RFX7: variants seen among roughly 807,000 people sequenced by gnomAD.
The protein encoded by RFX7 is regulatory factor X7.
Under a neutral mutation model 111.8 loss-of-function variants are expected in RFX7, and 26 were observed. The ratio of observed to expected loss-of-function variants is 0.23; its 90% CI spans 0.17 to 0.32. The LOEUF is 0.32. RFX7 is among the 10% of genes least tolerant of loss of function. The probability of loss-of-function intolerance (pLI) is 1.00; values close to 1 mark genes in which losing one functional copy is unlikely to be tolerated. For missense variants in RFX7, 1,573 were observed against 1,772.9 expected, an observed-to-expected ratio of 0.89 and a Z score of 2.02; for synonymous variants, 624 against 624.4, an observed-to-expected ratio of 1.00 and a Z score of 0.01.
At chr15:56,230,747 A>C (rs1257865691) in intron 2 of RFX7, among the ~76,000 whole-genome samples, 1 of 152,250 alleles carries the variant, frequency 6.6e-6, no homozygotes, top group Non-Finnish European at 1.5e-5. Context: ...TGTGTACTAC[A>C]GTAGCTAACG....
chr15:56,131,385 G>C (rs1329408540), intron 5 of RFX7, among the ~76,000 whole-genome samples: 3 of 138,026 alleles, frequency 2.2e-5, no homozygotes, highest in Non-Finnish European at 3.0e-5. Context: ...CTCCAACTCA[G>C]ACTCTCGTAT....
chr15:56,240,617 G>A (rs1019296068), intron 2 of RFX7, among the ~76,000 whole-genome samples: 2 of 152,092 alleles, frequency 1.3e-5, no homozygotes, highest in Non-Finnish European at 2.9e-5. Flanking sequence ...TGATATGCAA[G>A]CCCAGTAATT....
intron 2 of RFX7, among the ~76,000 whole-genome samples, chr15:56,234,160 A>G (rs2043598024): frequency 6.6e-6 from 1 of 152,226 alleles, no homozygotes. Context: ...CTAATTCTGT[A>G]TTTGTTTATA....
chr15:56,169,828 G>C (rs1243970238), intron 3 of RFX7, among the ~76,000 whole-genome samples: 1 of 150,478 alleles, frequency 6.6e-6, no homozygotes, highest in Non-Finnish European at 1.5e-5. Flanking sequence ...GAGTGGGGTG[G>C]ATTGGTTATC....
intron 6 of RFX7, among the ~76,000 whole-genome samples, chr15:56,103,126 A>G (rs2041780081): frequency 6.9e-6 from 1 of 145,624 alleles, no homozygotes; most frequent in Non-Finnish European, 1.5e-5. Flanking sequence ...AAAGTTCCAT[A>G]AGATTTTTTT....
At chr15:56,229,466 C>T (rs1198928404) in intron 2 of RFX7, among the ~76,000 whole-genome samples, 3 of 152,060 alleles carry the variant, frequency 2.0e-5, no homozygotes, top group Non-Finnish European at 2.9e-5. Flanking sequence ...GGGGTTTCAC[C>T]GTGTTAGCCA....
chr15:56,234,552 A>G (rs2043601968), intron 2 of RFX7, among the ~76,000 whole-genome samples: 1 of 152,220 alleles, frequency 6.6e-6, no homozygotes, highest in South Asian at 2.1e-4. Context: ...AATGACTGCA[A>G]TCAAATTACG....
intron 3 of RFX7, among the ~76,000 whole-genome samples, chr15:56,168,274 TA>T (rs2042805696): frequency 6.6e-6 from 1 of 152,182 alleles, no homozygotes; most frequent in Non-Finnish European, 1.5e-5. Flanking sequence ...TAATAAATAC[TA>T]ACAATAACAA....
At chr15:56,198,213 G>C (rs1204083297) in intron 2 of RFX7, among the ~76,000 whole-genome samples, 2 of 152,052 alleles carry the variant, frequency 1.3e-5, no homozygotes, top group South Asian at 2.1e-4. Context: ...CAACAGGTGG[G>C]TAATAGCCTC....
chr15:56,243,281 G>T lies in RFX7; in HGVS notation c.5C>A (p.Ala2Glu). 1.8e-6 allele frequency: 1 copy of T among 558,862 alleles called. No individual in the cohort carries two copies. The highest frequency in any genetic ancestry group is 2.9e-6 in the Non-Finnish European group (1 of 346,006). The allele number at this position is 558,862 out of a possible 1,614,324, so 34.6% of individuals were successfully genotyped here. ...TGGTGGCGGCTGTTGTTGTTCCTCT[G>T]CCATCGCTGCAGAGGGGTGGGAGGG... MAEEQQQPPPQQ... is the reference protein window; with the variant it reads MEEEQQQPPPQQ... The change falls in exon 2 of 10, where the codon GCA becomes GAA. Residue 2 changes from alanine to glutamate, a missense_variant. Transcript: ENST00000559447.
At chr15:56,244,541 C>T (rs777181180), upstream of RFX7, among the ~76,000 whole-genome samples, 89 of 152,234 alleles carry the variant, frequency 5.8e-4, no homozygotes, top group Non-Finnish European at 1.2e-3. Flanking sequence ...TTCATTCTTC[C>T]TTCGTGCCTT....
At chr15:56,164,030 G>A (rs1209811650) in intron 3 of RFX7, among the ~76,000 whole-genome samples, 2 of 152,184 alleles carry the variant, frequency 1.3e-5, no homozygotes, top group African/African-American at 4.8e-5. Flanking sequence ...AAAGCATGGT[G>A]GGGACTAAGA....
Position 56,175,725 on chromosome 15 carries a change from A to G in RFX7, c.195+3545T>C, listed in dbSNP as rs531204406. Among the ~76,000 whole-genome samples, 8 of 152,318 alleles carry G rather than the reference A, an allele frequency of 5.3e-5. 1 individual carries two copies. The South Asian group carries it at 1.4e-3, about 28-fold the overall frequency. ...AAAGCAAACACAAATTTAACACAAA[A>G]TGGTTCAAACATCTAAAAGAAAAAC... On this transcript the variant is annotated intron_variant, in intron 3 of 9. Coordinates refer to ENST00000559447, the MANE Select transcript of RFX7 (RefSeq NM_022841.7).
At chr15:56,103,071 T>C (rs1264337218) in intron 6 of RFX7, among the ~76,000 whole-genome samples, 1 of 151,772 alleles carries the variant, frequency 6.6e-6, no homozygotes, top group African/African-American at 2.4e-5. Flanking sequence ...GGGCTTTAAA[T>C]GGATGGCTGA....
chr15:56,244,256 G>C (rs926738745), upstream of RFX7: 2 of 152,248 alleles, frequency 1.3e-5, no homozygotes, highest in African/African-American at 4.8e-5. Flanking sequence ...TCCTCCCTGA[G>C]TAAATGAAGA....
At chr15:56,172,875 G>T (rs990697413) in intron 3 of RFX7, among the ~76,000 whole-genome samples, 3 of 152,130 alleles carry the variant, frequency 2.0e-5, no homozygotes, top group African/African-American at 7.2e-5. Flanking sequence ...GCATGTGGCC[G>T]CAGTGGAGTA....
At chr15:56,108,554 A>G (rs1277408313) in intron 5 of RFX7, among the ~76,000 whole-genome samples, 1 of 144,868 alleles carries the variant, frequency 6.9e-6, no homozygotes, top group Non-Finnish European at 1.5e-5. Context: ...CATATCTCAA[A>G]ATAATAAGAG....
chr15:56,234,351 CCT>C (rs2043599966), intron 2 of RFX7, among the ~76,000 whole-genome samples: 1 of 152,072 alleles, frequency 6.6e-6, no homozygotes, highest in African/African-American at 2.4e-5. Flanking sequence ...TTCAGTTTTC[CCT>C]GACTACATGA....
intron 2 of RFX7, chr15:56,192,858 G>A: frequency 9.1e-6 from 2 of 220,496 alleles, no homozygotes; most frequent in Non-Finnish European, 9.8e-6. Flanking sequence ...AGTGCTGCTG[G>A]CAAACTTGTA....
Sources: gnomAD v4.1 joint callset for allele counts (sites outside exome capture counted in the v4.1 genomes callset) on GRCh38, gnomAD v4.1.1 for gene constraint, MANE v1.5 for transcripts, NCBI Gene and HGNC (gene_info 2026-07-23, HGNC 2026-07-21) for gene names.